Variants in STAU1 observed in about 807,000 individuals in gnomAD.
The protein encoded by STAU1 is staufen double-stranded RNA binding protein 1.
STAU1 carries 13 observed loss-of-function variants against 62.9 expected under a neutral mutation model. The observed-to-expected ratio is 0.21, with a 90% CI of 0.13 to 0.33. The LOEUF (loss-of-function observed/expected upper bound fraction) is 0.33. Ranked by LOEUF, STAU1 falls within the 10% of genes least tolerant of loss-of-function variation. The pLI is 1.00. For synonymous variants in STAU1, 269 were observed against 265.1 expected (o/e 1.01, Z -0.14); for missense variants, 571 against 712.1 (o/e 0.80, Z 2.25).
intron 1 of STAU1, among the ~76,000 whole-genome samples, chr20:49,175,435 C>T (rs1356496796): frequency 1.3e-5 from 2 of 151,934 alleles, no homozygotes; most frequent in African/African-American, 2.4e-5. Context: ...CCCAATTATT[C>T]CCTGATGAGA....
chr20:49,205,985 C>CTTT, the STAU1 span, among the ~76,000 whole-genome samples: 4 of 122,052 alleles, frequency 3.3e-5, no homozygotes, highest in Admixed American at 8.9e-5. Context: ...ATTTTCTTTT[C>CTTT]TTTTTTTTTT....
intron 13 of STAU1, 51 bp downstream of exon 13, chr20:49,115,731 G>A (rs780310725): frequency 9.5e-6 from 14 of 1,470,144 alleles, no homozygotes; most frequent in African/African-American, 6.1e-5. Flanking sequence ...CAACACAAAC[G>A]AGGGGCAGCC....
At position 49,114,601 on chromosome 20, in the gene STAU1, ACC is replaced by A; in HGVS notation, c.*275_*276del. 4.6e-6 allele frequency: 2 copies of A among 433,124 alleles called. No homozygotes were observed. The highest frequency in any genetic ancestry group is 8.3e-6 in the Non-Finnish European group (2 of 240,584). 26.8% of individuals were successfully genotyped at this position (433,124 alleles called of 1,614,324 possible). A position where few individuals can be genotyped will look rare whatever the true frequency, so the allele number is the denominator to read the frequency against. ...GTGGATCTGCTGGTGTCCCGGGAGA[ACC>A]AGCTGGCTGGGCAGCCCTTCTTCCC... On this transcript the variant is annotated 3_prime_UTR_variant, in exon 14 of 14. Coordinates refer to ENST00000371856, the MANE Select transcript of STAU1 (RefSeq NM_017453.4).
intron 1 of STAU1, among the ~76,000 whole-genome samples, chr20:49,186,215 G>A (rs1044908488): frequency 3.3e-5 from 5 of 151,878 alleles, no homozygotes; most frequent in Admixed American, 2.0e-4. Context: ...GCGCGGTGGC[G>A]GGCGTCTGTA....
At chr20:49,150,431 G>A (rs1039083795) in intron 5 of STAU1, among the ~76,000 whole-genome samples, 3 of 151,322 alleles carry the variant, frequency 2.0e-5, no homozygotes, top group East Asian at 1.9e-4. Flanking sequence ...GCACAATCTC[G>A]GCTCACCGCA....
chr20:49,123,277 C>G (rs2295714), intron 7 of STAU1, 42 bp from the exon 8 acceptor site: 6 of 1,613,420 alleles, frequency 3.7e-6, no homozygotes, highest in Non-Finnish European at 5.1e-6. Flanking sequence ...TGTTATTCAC[C>G]GCATGAACTT....
the STAU1 span, among the ~76,000 whole-genome samples, chr20:49,195,253 A>G: frequency 6.6e-6 from 1 of 152,112 alleles, no homozygotes; most frequent in Non-Finnish European, 1.5e-5. Flanking sequence ...AAAGATAGCA[A>G]CAGGCTGGGC....
rs551024826 is a variant in STAU1 at position 49,133,970 on chromosome 20, G to A, written c.609+1863C>T. ...AGGGTGCTAGCACATAGGAGGAGAAGGTATACATCACCTGTAACTGTAAAG... is the reference window on the plus strand; with the variant it reads ...AGGGTGCTAGCACATAGGAGGAGAAAGTATACATCACCTGTAACTGTAAAG... On this transcript the variant is annotated intron_variant, in intron 6 of 13. Transcript: ENST00000371856. Among the ~76,000 whole-genome samples the A allele has an allele frequency of 2.4e-4, 36 of 152,094 alleles. 1 individual carries two copies. In the South Asian group the frequency reaches 7.5e-3, roughly 32 times the overall value.
At chr20:49,183,249 A>T (rs966222113) in intron 1 of STAU1, among the ~76,000 whole-genome samples, 2 of 152,196 alleles carry the variant, frequency 1.3e-5, no homozygotes, top group African/African-American at 4.8e-5. Context: ...AAGCTCTAAA[A>T]TCCCATTCTG....
the STAU1 span, among the ~76,000 whole-genome samples, chr20:49,201,184 A>G: frequency 6.6e-6 from 1 of 151,968 alleles, no homozygotes; most frequent in Non-Finnish European, 1.5e-5. Flanking sequence ...TGCTACTAAA[A>G]TGGTAGATAT....
intron 5 of STAU1, among the ~76,000 whole-genome samples, chr20:49,137,747 C>T (rs147000635): frequency 1.8e-4 from 27 of 151,712 alleles, no homozygotes; most frequent in Non-Finnish European, 2.4e-4. Context: ...ATCACTGCAA[C>T]GTCTGCCTCC....
intron 3 of STAU1, among the ~76,000 whole-genome samples, chr20:49,157,956 G>T (rs941967811): frequency 6.6e-6 from 1 of 151,530 alleles, no homozygotes; most frequent in African/African-American, 2.4e-5. Context: ...GCACCCCAAA[G>T]ATTTGAGATT....
Position 49,166,116 on chromosome 20 carries a change from G to A in STAU1, c.86C>T (p.Ser29Leu). Residue 29 changes from serine (S) to leucine (L), a missense_variant, in exon 3 of 14, where the codon TCA becomes TTA. By Grantham distance (145) the Ser-to-Leu change is moderately radical. Coordinates refer to ENST00000371856, the MANE Select transcript of STAU1 (RefSeq NM_017453.4). ...AGAAGGAATACTCATCAAAGGCTGT[G>A]AGAGAAGAGACTGGTTCTTGTTCAG... is the stretch of plus-strand genomic sequence containing the variant. Reference protein sequence around the residue: ...QILNKNQSLLSQPLMSIPSTT... With the variant: ...QILNKNQSLLLQPLMSIPSTT... The A allele has an allele frequency of 6.2e-7, 1 of 1,614,202 alleles. No individual in the cohort carries two copies. Among genetic ancestry groups the A allele is most frequent in the Non-Finnish European group, 8.5e-7 (1 of 1,180,046 alleles).
chr20:49,198,198 C>T, the STAU1 span, among the ~76,000 whole-genome samples: 5 of 152,122 alleles, frequency 3.3e-5, no homozygotes, highest in Admixed American at 3.3e-4. Context: ...TACCATTACA[C>T]ATTTATTAGA....
chr20:49,124,671 G>A (rs2092550609), intron 6 of STAU1, 84 bp from the exon 7 acceptor site: 6 of 1,424,120 alleles, frequency 4.2e-6, no homozygotes, highest in East Asian at 2.3e-5. Flanking sequence ...ACTTCACACA[G>A]ACACAGGGAA....
chr20:49,165,081 G>A (rs1314829307), intron 3 of STAU1, among the ~76,000 whole-genome samples: 1 of 152,172 alleles, frequency 6.6e-6, no homozygotes, highest in East Asian at 1.9e-4. Flanking sequence ...GTCTTGCCTT[G>A]TTGCCCAGGC....
At chr20:49,219,241 A>G in the STAU1 span, 1 of 1,118,558 alleles carries the variant, frequency 8.9e-7, no homozygotes, top group Non-Finnish European at 1.3e-6. Flanking sequence ...CTTACCTAAA[A>G]AGCTCCGCCC....
intron 4 of STAU1, among the ~76,000 whole-genome samples, chr20:49,152,408 ATC>A (rs1323641059): frequency 4.5e-5 from 6 of 131,906 alleles, no homozygotes; most frequent in Middle Eastern, 5.7e-3. Flanking sequence ...CAGTGGTGCG[ATC>A]TCGGCTCACT....
chr20:49,181,763 C>CAAAAAAAAAAA (rs1309573018), intron 1 of STAU1, among the ~76,000 whole-genome samples: 10 of 66,700 alleles, frequency 1.5e-4, no homozygotes, highest in East Asian at 5.2e-4. Flanking sequence ...AAGACTATCT[C>CAAAAAAAAAAA]AACAAAAAAA....
Sources: gnomAD v4.1 joint callset for allele counts (sites outside exome capture counted in the v4.1 genomes callset) on GRCh38, gnomAD v4.1.1 for gene constraint, MANE v1.5 for transcripts, NCBI Gene and HGNC (gene_info 2026-07-23, HGNC 2026-07-21) for gene names.